STK32B: variants seen among roughly 807,000 people sequenced by gnomAD.
STK32B encodes the protein serine/threonine-protein kinase 32B.
Under a neutral mutation model 52.6 loss-of-function variants are expected in STK32B, and 43 were observed. That is an observed-to-expected ratio of 0.82 (90% CI 0.64 to 1.05). STK32B has a LOEUF of 1.05. Among genes scored for constraint, STK32B ranks in the 50% least tolerant of loss-of-function variants. STK32B has a pLI of 0.00. For missense variants in STK32B, 621 were observed against 534.6 expected, an observed-to-expected ratio of 1.16 and a Z score of -1.59; for synonymous variants, 238 against 204.3, an observed-to-expected ratio of 1.17 and a Z score of -1.41.
At chr4:5,261,947 G>A (rs775326110) in intron 3 of STK32B, among the ~76,000 whole-genome samples, 4 of 152,198 alleles carry the variant, frequency 2.6e-5, no homozygotes, top group Non-Finnish European at 5.9e-5. Flanking sequence ...ATAATCAAAT[G>A]TAAATGAGCA....
rs3077842 is a variant in STK32B at position 5,163,538 on chromosome 4, C to CTGTGTGTGTGTGTGTG, written c.109-4733_109-4718dup. Among the ~76,000 whole-genome samples the CTGTGTGTGTGTGTGTG allele has an allele frequency of 2.0e-3, 284 of 139,438 alleles. 2 individuals carry two copies. Among genetic ancestry groups the CTGTGTGTGTGTGTGTG allele is most frequent in the Non-Finnish European group, 3.1e-3 (198 of 63,638 alleles). The allele number at this position is 139,438 out of a possible 152,430, so 91.5% of individuals were successfully genotyped here. A position where few individuals can be genotyped will look rare whatever the true frequency, so the allele number is the denominator to read the frequency against. ...TAAAGAGTTTGAGATAGAGTGAAGG[C>CTGTGTGTGTGTGTGTG]TGTGTGTGTGTGTGTGTGTGTGTGT... On this transcript the variant is annotated intron_variant, in intron 2 of 11. Coordinates refer to ENST00000282908, the MANE Select transcript of STK32B (RefSeq NM_018401.3).
chr4:5,148,057 A>G (rs1453803304), intron 2 of STK32B, among the ~76,000 whole-genome samples: 1 of 151,918 alleles, frequency 6.6e-6, no homozygotes, highest in Non-Finnish European at 1.5e-5. Context: ...GCTTTTGACT[A>G]CAAAATTACC....
intron 1 of STK32B, 70 bp from the exon 2 acceptor site, chr4:5,139,835 T>G: frequency 2.5e-6 from 4 of 1,582,384 alleles, no homozygotes; most frequent in Non-Finnish European, 3.5e-6. Context: ...GGTACATAGG[T>G]AAGGATATTC....
chr4:5,435,364 G>C (rs188453650), intron 6 of STK32B, among the ~76,000 whole-genome samples: 251 of 152,292 alleles, frequency 1.6e-3, no homozygotes, highest in African/African-American at 5.8e-3. Flanking sequence ...CGGTGAGCCA[G>C]GGCTGCCCCT....
At chr4:5,157,774 G>A (rs1008472666) in intron 2 of STK32B, among the ~76,000 whole-genome samples, 1 of 152,202 alleles carries the variant, frequency 6.6e-6, no homozygotes, top group African/African-American at 2.4e-5. Context: ...TGACTGCAAA[G>A]GTTGACAGAG....
intron 3 of STK32B, among the ~76,000 whole-genome samples, chr4:5,315,912 C>A (rs1014446002): frequency 1.3e-5 from 2 of 150,438 alleles, no homozygotes; most frequent in Non-Finnish European, 3.0e-5. Flanking sequence ...GCTGTGTTGG[C>A]CAAGCTGATC....
At chr4:5,410,087 GC>G (rs1420237406) in intron 5 of STK32B, among the ~76,000 whole-genome samples, 2 of 152,136 alleles carry the variant, frequency 1.3e-5, no homozygotes, top group African/African-American at 4.8e-5. Context: ...TCTGTGTGGT[GC>G]CCAGAGTGTT....
At chr4:5,041,396 G>T in the STK32B span, among the ~76,000 whole-genome samples, 129 of 152,286 alleles carry the variant, frequency 8.5e-4, no homozygotes, top group Non-Finnish European at 1.0e-3. Flanking sequence ...CAGCTACGGA[G>T]CCTTCCTTCT....
rs535690329 is a variant in STK32B at position 5,449,460 on chromosome 4, A to T, written c.666+2684A>T. On this transcript the variant is annotated intron_variant, in intron 7 of 11. Transcript: ENST00000282908. ...AATATGGCTTGTTAGCCAGGGACCC[A>T]GGAAAACAGCTGTTTCTCCTCATGA... 1.9e-3 allele frequency among the ~76,000 whole-genome samples: 285 copies of T among 152,344 alleles called. 1 individual carries two copies. Among genetic ancestry groups the T allele is most frequent in the African/African-American group, 6.4e-3 (266 of 41,584 alleles).
chr4:5,034,816 G>T, the STK32B span, among the ~76,000 whole-genome samples: 1 of 152,208 alleles, frequency 6.6e-6, no homozygotes, highest in African/African-American at 2.4e-5. Flanking sequence ...GTCAGACACT[G>T]GTTCAAAATG....
chr4:5,279,479 C>T (rs2108868419), intron 3 of STK32B, among the ~76,000 whole-genome samples: 1 of 152,306 alleles, frequency 6.6e-6, no homozygotes, highest in East Asian at 1.9e-4. Context: ...GGGTACAACC[C>T]CCACAGCTGC....
At chr4:5,277,097 G>A (rs114940373) in intron 3 of STK32B, among the ~76,000 whole-genome samples, 66 of 152,266 alleles carry the variant, frequency 4.3e-4, no homozygotes, top group Non-Finnish European at 7.4e-4. Context: ...TGGGGCATTC[G>A]AAAGACAACA....
chr4:5,180,997 G>A (rs1720310095), intron 3 of STK32B, among the ~76,000 whole-genome samples: 1 of 152,170 alleles, frequency 6.6e-6, no homozygotes, highest in South Asian at 2.1e-4. Flanking sequence ...CCCAGAGAGT[G>A]AGGGTGTCCC....
intron 6 of STK32B, among the ~76,000 whole-genome samples, chr4:5,420,909 G>T (rs1387682121): frequency 6.6e-6 from 1 of 151,838 alleles, no homozygotes; most frequent in Admixed American, 6.6e-5. Flanking sequence ...GTTTTGTTTT[G>T]TTTTTTTAAG....
At chr4:5,335,814 TGTA>T (rs1428252684) in intron 4 of STK32B, among the ~76,000 whole-genome samples, 1 of 152,134 alleles carries the variant, frequency 6.6e-6, no homozygotes, top group African/African-American at 2.4e-5. Context: ...AATCCTGAGT[TGTA>T]GTTTGATTGC....
chr4:5,280,448 G>T (rs28799056), intron 3 of STK32B, among the ~76,000 whole-genome samples: 5,638 of 152,012 alleles, frequency 0.037, 178 homozygotes, highest in African/African-American at 0.072. Flanking sequence ...ACTCTCCCTC[G>T]TCTCCCTGTC....
intron 11 of STK32B, among the ~76,000 whole-genome samples, chr4:5,471,504 GC>G (rs1159062972): frequency 6.6e-6 from 1 of 151,990 alleles, no homozygotes; most frequent in African/African-American, 2.4e-5. Flanking sequence ...AGCCAACCCT[GC>G]CCACACCTTG....
chr4:5,450,411 G>A (rs1175952171), intron 7 of STK32B, among the ~76,000 whole-genome samples: 1 of 151,896 alleles, frequency 6.6e-6, no homozygotes, highest in East Asian at 1.9e-4. Context: ...CTCTCTGACA[G>A]GTGAGCACCC....
intron 3 of STK32B, among the ~76,000 whole-genome samples, chr4:5,189,016 A>T (rs933137327): frequency 2.1e-4 from 30 of 145,876 alleles, no homozygotes; most frequent in African/African-American, 7.3e-4. Flanking sequence ...GTATAATTTA[A>T]AAAAAAAAAA....
Sources: allele counts gnomAD v4.1 joint callset (sites outside exome capture counted in the v4.1 genomes callset), GRCh38; gene constraint gnomAD v4.1.1; transcripts MANE v1.5; gene names NCBI Gene and HGNC (gene_info 2026-07-23, HGNC 2026-07-21).